PHKB: variants seen among roughly 807,000 people sequenced by gnomAD.
PHKB encodes the protein phosphorylase kinase regulatory subunit beta.
A neutral mutation model predicts 152.1 loss-of-function variants in PHKB; 122 were observed. That is an observed-to-expected ratio of 0.80 (90% CI 0.69 to 0.93). PHKB has a LOEUF of 0.93. Ranked by LOEUF, PHKB falls within the 40% of genes least tolerant of loss-of-function variation. The pLI is 0.00. For synonymous variants in PHKB, 436 were observed against 464.9 expected (o/e 0.94, Z 0.80); for missense variants, 1,304 against 1,328.4 (o/e 0.98, Z 0.29).
intron 6 of PHKB, among the ~76,000 whole-genome samples, chr16:47,520,120 T>C (rs959526466): frequency 1.6e-4 from 24 of 152,322 alleles, no homozygotes; most frequent in Non-Finnish European, 2.4e-4. Context: ...CTATAAGTAA[T>C]CTTAGAGGCA....
intron 29 of PHKB, among the ~76,000 whole-genome samples, chr16:47,696,861 G>A (rs555875149): frequency 6.6e-6 from 1 of 152,260 alleles, no homozygotes; most frequent in East Asian, 1.9e-4. Flanking sequence ...ACAGAAATAA[G>A]CACAACTATT....
chr16:47,625,395 A>AT (rs1972691513), intron 14 of PHKB, among the ~76,000 whole-genome samples: 1 of 152,218 alleles, frequency 6.6e-6, no homozygotes, highest in South Asian at 2.1e-4. Context: ...TGAAAGCCAA[A>AT]TGCCTTGTTG....
intron 6 of PHKB, among the ~76,000 whole-genome samples, chr16:47,545,383 T>C (rs1268928526): frequency 6.6e-6 from 1 of 152,232 alleles, no homozygotes; most frequent in African/African-American, 2.4e-5. Context: ...TAATTCTGGG[T>C]TGAAAATTCT....
At chr16:47,515,414 T>C (rs1394146907) in intron 5 of PHKB, 107 bp from the exon 6 acceptor site, 1 of 709,286 alleles carries the variant, frequency 1.4e-6, no homozygotes, top group East Asian at 2.7e-5. Flanking sequence ...GAAATAGTTT[T>C]ATGACACTAT....
chr16:47,589,223 GTTAA>G, intron 10 of PHKB, 121 bp downstream of exon 10: 1 of 664,908 alleles, frequency 1.5e-6, no homozygotes, highest in Non-Finnish European at 2.6e-6. Flanking sequence ...CCCTGGGCCA[GTTAA>G]TTAATCTCTG....
intron 6 of PHKB, among the ~76,000 whole-genome samples, chr16:47,539,745 A>G (rs1971018826): frequency 6.6e-6 from 1 of 152,214 alleles, no homozygotes; most frequent in African/African-American, 2.4e-5. Flanking sequence ...ATGGGCATTT[A>G]TCACTTCCCA....
chr16:47,616,695 T>TTAATATATGATA (rs1972524945), intron 14 of PHKB, among the ~76,000 whole-genome samples: 2 of 149,462 alleles, frequency 1.3e-5, no homozygotes, highest in African/African-American at 4.9e-5. Flanking sequence ...ATATTATATA[T>TTAATATATGATA]TGCCCAGACC....
At chr16:47,664,718 T>C (rs1973506906) in intron 24 of PHKB, 167 bp from the exon 25 acceptor site, 2 of 643,524 alleles carry the variant, frequency 3.1e-6, no homozygotes, top group Admixed American at 4.5e-5. Flanking sequence ...TGTAGTCTTA[T>C]TTTTGATTAA....
intron 16 of PHKB, among the ~76,000 whole-genome samples, chr16:47,643,028 G>A (rs1187898235): frequency 1.3e-5 from 2 of 152,106 alleles, no homozygotes; most frequent in African/African-American, 4.8e-5. Flanking sequence ...TCTAGAGAAC[G>A]CCAACAAAGC....
intron 4 of PHKB, among the ~76,000 whole-genome samples, chr16:47,509,481 A>G (rs1970473196): frequency 6.6e-6 from 1 of 152,180 alleles, no homozygotes; most frequent in Admixed American, 6.5e-5. Context: ...ACCTCCCTCT[A>G]GAACAATATT....
At chr16:47,614,952 A>G (rs1319391793) in intron 14 of PHKB, among the ~76,000 whole-genome samples, 1 of 152,142 alleles carries the variant, frequency 6.6e-6, no homozygotes, top group Non-Finnish European at 1.5e-5. Context: ...TTTGTCTGAG[A>G]ATATCTTTAT....
chr16:47,619,735 T>A lies in PHKB; in HGVS notation c.1458+8815T>A, dbSNP rs1003082718. 3.3e-5 allele frequency among the ~76,000 whole-genome samples: 5 copies of A among 152,328 alleles called. No individual in the cohort carries two copies. In the East Asian group the frequency reaches 9.7e-4, roughly 29 times the overall value. Reference sequence around the variant, plus strand: ...CCTCTGCCATGCTAATGTGAGATAATGGTTTCTTGAAGAGTGTTTGTTTCC... The same window carrying A: ...CCTCTGCCATGCTAATGTGAGATAAAGGTTTCTTGAAGAGTGTTTGTTTCC... On this transcript the variant is annotated intron_variant, in intron 14 of 30. Coordinates refer to ENST00000323584, the MANE Select transcript of PHKB (RefSeq NM_000293.3).
intron 13 of PHKB, among the ~76,000 whole-genome samples, chr16:47,606,011 G>A (rs189807975): frequency 1.1e-3 from 162 of 152,278 alleles, no homozygotes; most frequent in Non-Finnish European, 2.1e-3. Flanking sequence ...AGGTTGTTGT[G>A]AGGATTAATG....
chr16:47,542,782 C>T (rs975892159), intron 6 of PHKB, among the ~76,000 whole-genome samples: 3 of 152,116 alleles, frequency 2.0e-5, no homozygotes, highest in African/African-American at 7.2e-5. Flanking sequence ...GGAGTTTGCT[C>T]ATGATTTGGC....
chr16:47,600,827 C>T lies in PHKB; in HGVS notation c.1363+4296C>T, dbSNP rs531249395. Among the ~76,000 whole-genome samples the T allele has an allele frequency of 3.3e-5, 5 of 152,330 alleles. No homozygotes were observed. In the South Asian group the frequency reaches 1.0e-3, roughly 32 times the overall value. On this transcript the variant is annotated intron_variant, in intron 13 of 30. Transcript: ENST00000323584. ...CTTATGGGACATCTTTATGCATCAT[C>T]ACATGATTGTATTTATTGCATTAAA...
chr16:47,463,635 T>G (rs1969615212), intron 1 of PHKB: 1 of 398,418 alleles, frequency 2.5e-6, no homozygotes, highest in Admixed American at 3.8e-5. Context: ...ATTACTTCAC[T>G]GCACAACAGA....
chr16:47,546,151 G>T (rs1259845960), intron 6 of PHKB, among the ~76,000 whole-genome samples: 1 of 152,160 alleles, frequency 6.6e-6, no homozygotes, highest in Admixed American at 6.6e-5. Context: ...AGGAGCTACG[G>T]TTCTTTGGAG....
intron 26 of PHKB, among the ~76,000 whole-genome samples, chr16:47,683,810 A>G (rs1344906430): frequency 6.6e-6 from 1 of 152,180 alleles, no homozygotes; most frequent in Non-Finnish European, 1.5e-5. Flanking sequence ...AGATGAACCC[A>G]GTACCTCAGA....
intron 16 of PHKB, among the ~76,000 whole-genome samples, chr16:47,646,472 T>A (rs1973124706): frequency 7.8e-6 from 1 of 128,000 alleles, no homozygotes; most frequent in Non-Finnish European, 1.6e-5. Context: ...ATGGCACATG[T>A]ATACATATGT....
Sources: allele counts gnomAD v4.1 joint callset (sites outside exome capture counted in the v4.1 genomes callset), GRCh38; gene constraint gnomAD v4.1.1; transcripts MANE v1.5; gene names NCBI Gene and HGNC (gene_info 2026-07-23, HGNC 2026-07-21).